PCSK5: variants seen among roughly 807,000 people sequenced by gnomAD.
The protein encoded by PCSK5 is prohormone convertase 5.
Under a neutral mutation model 233.2 loss-of-function variants are expected in PCSK5, and 129 were observed. That is an observed-to-expected ratio of 0.55 (90% CI 0.48 to 0.64). The LOEUF (loss-of-function observed/expected upper bound fraction) is 0.64. Ranked by LOEUF, PCSK5 falls within the 30% of genes least tolerant of loss-of-function variation. The probability of loss-of-function intolerance (pLI) is 0.00; values close to 1 mark genes in which losing one functional copy is unlikely to be tolerated. For synonymous variants in PCSK5, 825 were observed against 879.2 expected, an observed-to-expected ratio of 0.94 and a Z score of 1.09; for missense variants, 2,076 against 2,430.1, an observed-to-expected ratio of 0.85 and a Z score of 3.06.
intron 10 of PCSK5, 109 bp from the exon 11 acceptor site, chr9:76,156,936 G>A: frequency 1.4e-6 from 1 of 723,788 alleles, no homozygotes; most frequent in Admixed American, 2.0e-5. Flanking sequence ...AATCATTGCT[G>A]GAAAGATAGC....
At chr9:76,243,421 C>A (rs752298066) in intron 24 of PCSK5, among the ~76,000 whole-genome samples, 2 of 152,148 alleles carry the variant, frequency 1.3e-5, no homozygotes, top group Non-Finnish European at 2.9e-5. Flanking sequence ...AGTGACACCA[C>A]CAGAAAGGGT....
intron 20 of PCSK5, among the ~76,000 whole-genome samples, chr9:76,199,196 G>A (rs1171494431): frequency 6.6e-6 from 1 of 152,138 alleles, no homozygotes; most frequent in East Asian, 1.9e-4. Flanking sequence ...AGATGGCATA[G>A]CCTACCACCC....
chr9:76,023,597 T>G, intron 3 of PCSK5, 141 bp from the exon 4 acceptor site: 2 of 652,802 alleles, frequency 3.1e-6, no homozygotes, highest in Non-Finnish European at 2.5e-6. Context: ...CCCAGGAGTT[T>G]GAGGTTACAG....
At chr9:75,947,650 A>G (rs1587403387) in intron 2 of PCSK5, among the ~76,000 whole-genome samples, 1 of 152,166 alleles carries the variant, frequency 6.6e-6, no homozygotes, top group South Asian at 2.1e-4. Flanking sequence ...TAGGCTGTGG[A>G]CATACTTTTC....
At chr9:76,252,884 T>C (rs936537814) in intron 24 of PCSK5, among the ~76,000 whole-genome samples, 3 of 152,226 alleles carry the variant, frequency 2.0e-5, no homozygotes, top group African/African-American at 7.2e-5. Context: ...GCAGCAGATA[T>C]GCAAGGTTTT....
chr9:75,924,106 A>G (rs191917331), intron 1 of PCSK5, among the ~76,000 whole-genome samples: 104 of 152,286 alleles, frequency 6.8e-4, no homozygotes, highest in Non-Finnish European at 1.4e-3. Flanking sequence ...GTTAGGGTGT[A>G]GACATTTGGT....
intron 1 of PCSK5, among the ~76,000 whole-genome samples, chr9:75,909,276 A>C (rs1268738262): frequency 6.6e-6 from 1 of 151,848 alleles, no homozygotes; most frequent in Non-Finnish European, 1.5e-5. Context: ...CAATGAGCCA[A>C]GATCGCGCCA....
At chr9:76,081,819 C>T (rs1256771739) in intron 7 of PCSK5, among the ~76,000 whole-genome samples, 1 of 152,064 alleles carries the variant, frequency 6.6e-6, no homozygotes, top group Non-Finnish European at 1.5e-5. Context: ...TCTTCCATTC[C>T]TCATGCTAGT....
At chr9:75,980,118 T>C (rs1013750644) in intron 2 of PCSK5, among the ~76,000 whole-genome samples, 1 of 152,206 alleles carries the variant, frequency 6.6e-6, no homozygotes, top group Non-Finnish European at 1.5e-5. Context: ...ATCAAATTTT[T>C]AGAAGTAGGT....
chr9:76,156,949 G>A lies in PCSK5; in HGVS notation c.1313-96G>A, dbSNP rs550647870. ...CAAATCATTGCTGGAAAGATAGCTA[G>A]GATCCCATAGGGTGGTGTCTGGGGT... On this transcript the variant is annotated intron_variant, in intron 10 of 37. Transcript: ENST00000674117. The A allele has an allele frequency of 9.0e-5, 68 of 759,752 alleles. No homozygotes were observed. The Admixed American group carries it at 1.3e-3, about 14-fold the overall frequency. 47.1% of individuals were successfully genotyped at this position (759,752 alleles called of 1,614,324 possible).
At chr9:76,105,946 CAT>C (rs1338327250) in intron 8 of PCSK5, among the ~76,000 whole-genome samples, 1 of 152,238 alleles carries the variant, frequency 6.6e-6, no homozygotes, top group Admixed American at 6.5e-5. Flanking sequence ...TCTACTTAGA[CAT>C]ATTCATGTGA....
At chr9:76,098,033 T>C (rs1012339097) in intron 8 of PCSK5, among the ~76,000 whole-genome samples, 2 of 152,246 alleles carry the variant, frequency 1.3e-5, no homozygotes, top group Admixed American at 1.3e-4. Context: ...CCGCAGTCCA[T>C]AGGGGATAGA....
intron 8 of PCSK5, among the ~76,000 whole-genome samples, chr9:76,101,598 A>G (rs1831760798): frequency 6.6e-6 from 1 of 151,974 alleles, no homozygotes; most frequent in Non-Finnish European, 1.5e-5. Context: ...TCCCCCTAGT[A>G]ATTTATCTTA....
In PCSK5 at chr9:75,975,378, T is replaced by G. The variant is rs143697658; in HGVS notation, c.298-10754T>G. Among the ~76,000 whole-genome samples, 169 of 152,240 alleles carry G rather than the reference T, an allele frequency of 1.1e-3. 5 individuals are homozygous for G. The highest frequency in any genetic ancestry group is 6.8e-3 in the Middle Eastern group (2 of 294). Reference sequence around the variant, plus strand: ...TGACCATTGCTTATGAGCTATGGAATTAAGTGGTGTGTTATATTGAGAAGC... The same window carrying G: ...TGACCATTGCTTATGAGCTATGGAAGTAAGTGGTGTGTTATATTGAGAAGC... On this transcript the variant is annotated intron_variant, in intron 2 of 37. Coordinates refer to ENST00000674117, the MANE Select transcript of PCSK5 (RefSeq NM_001372043.1).
chr9:76,250,279 C>T (rs150267135), intron 24 of PCSK5, among the ~76,000 whole-genome samples: 7 of 152,188 alleles, frequency 4.6e-5, no homozygotes, highest in African/African-American at 1.7e-4. Context: ...CCCAGCCTGG[C>T]GACAGAGTGA....
intron 3 of PCSK5, among the ~76,000 whole-genome samples, chr9:76,000,500 T>G (rs1012520736): frequency 2.6e-5 from 4 of 152,192 alleles, no homozygotes; most frequent in Non-Finnish European, 4.4e-5. Flanking sequence ...CTGTTATTTC[T>G]TCTTCATTTA....
At position 76,107,254 on chromosome 9, in the gene PCSK5, A is replaced by G; in HGVS notation, c.1111A>G (p.Thr371Ala). The G allele has an allele frequency of 6.2e-7, 1 of 1,602,422 alleles. No individual in the cohort carries two copies. The highest frequency in any genetic ancestry group is 1.1e-5 in the South Asian group (1 of 90,258). ...SGESYDKKII[T>A]TDLRQRCTDN... ...AACTTTTCACTTTGTTTTCCAGATC[A>G]CTACAGATCTGAGGCAGCGTTGCAC... is the stretch of plus-strand genomic sequence containing the variant. Residue 371 changes from threonine to alanine, a missense_variant, in exon 9 of 38, where the codon ACT (threonine) becomes GCT (alanine). Thr to Ala is a moderately conservative substitution (Grantham distance 58). This residue lies in a region of PCSK5 where 178 missense variants were observed against 393.6 expected (regional missense o/e 0.45). Coordinates refer to ENST00000674117, the MANE Select transcript of PCSK5 (RefSeq NM_001372043.1).
intron 1 of PCSK5, among the ~76,000 whole-genome samples, chr9:75,896,113 C>G (rs1253620346): frequency 6.6e-6 from 1 of 152,172 alleles, no homozygotes; most frequent in Non-Finnish European, 1.5e-5. Context: ...TGCTCAAGAT[C>G]CTCAGCCCTG....
Position 75,902,214 on chromosome 9 carries a change from T to TAAAAAAAAAAAAAAAAAAAAAAAAA in PCSK5, c.192+10846_192+10870dup, listed in dbSNP as rs200579439. ...CTGGGTGACAGAGTGAGACACCATC[T>TAAAAAAAAAAAAAAAAAAAAAAAAA]AAAAAAAAAAAAAAAAAAAAAAAAA... On this transcript the variant is annotated intron_variant, in intron 1 of 37. Coordinates refer to ENST00000674117, the MANE Select transcript of PCSK5 (RefSeq NM_001372043.1). Among the ~76,000 whole-genome samples the TAAAAAAAAAAAAAAAAAAAAAAAAA allele has an allele frequency of 9.4e-5, 5 of 53,286 alleles. 1 individual carries two copies. The highest frequency in any genetic ancestry group is 2.4e-4 in the African/African-American group (3 of 12,542). 35.0% of individuals were successfully genotyped at this position (53,286 alleles called of 152,430 possible). A position where few individuals can be genotyped will look rare whatever the true frequency, so the allele number is the denominator to read the frequency against.
Sources: allele counts gnomAD v4.1 joint callset (sites outside exome capture counted in the v4.1 genomes callset), GRCh38; gene constraint gnomAD v4.1.1; regional missense constraint gnomAD v4.1.1; transcripts MANE v1.5; gene names NCBI Gene and HGNC (gene_info 2026-07-23, HGNC 2026-07-21).